Variants in HNRNPH1 observed in about 807,000 individuals in gnomAD.
HNRNPH1 encodes the protein heterogeneous nuclear ribonucleoprotein H1, also known as heterogeneous nuclear ribonucleoprotein H.
In HNRNPH1, 4 loss-of-function variants were observed where a neutral mutation model predicts 58.6. The ratio of observed to expected loss-of-function variants is 0.07; its 90% CI spans 0.03 to 0.16. The LOEUF (loss-of-function observed/expected upper bound fraction) is 0.16, where lower values mean the gene tolerates loss of function less well. HNRNPH1 is among the 10% of genes least tolerant of loss of function. The probability of loss-of-function intolerance (pLI) is 1.00; values close to 1 mark genes in which losing one functional copy is unlikely to be tolerated. For synonymous variants in HNRNPH1, 192 were observed against 189.2 expected (o/e 1.01, Z -0.12); for missense variants, 271 against 564.2 (o/e 0.48, Z 5.26).
intron 12 of HNRNPH1, 58 bp downstream of exon 13, chr5:179,615,488 T>C: frequency 1.1e-6 from 1 of 941,950 alleles, no homozygotes; most frequent in South Asian, 1.4e-5. Context: ...TAGAAAGCAT[T>C]ATTACAACAT....
intron 12 of HNRNPH1, 69 bp from the exon 14 acceptor site, chr5:179,615,028 C>CA: frequency 1.0e-6 from 1 of 985,908 alleles, no homozygotes; most frequent in East Asian, 2.6e-5. Context: ...TATAGTATTC[C>CA]AAGAAAAAGT....
At chr5:179,615,265 T>C (rs1768961370) in intron 12 of HNRNPH1, 1 of 441,834 alleles carries the variant, frequency 2.3e-6, no homozygotes, top group African/African-American at 2.0e-5. Flanking sequence ...CTTCGTATTT[T>C]TAAAGCTAAA....
intron 1 of HNRNPH1, among the ~76,000 whole-genome samples, chr5:179,622,639 A>T (rs1404750770): frequency 6.6e-6 from 1 of 152,234 alleles, no homozygotes; most frequent in African/African-American, 2.4e-5. Flanking sequence ...TGAACCCAGG[A>T]GGCGGAGGTT....
At chr5:179,616,464 G>GT in intron 10 of HNRNPH1, 1 of 544,266 alleles carries the variant, frequency 1.8e-6, no homozygotes, top group East Asian at 3.1e-5. Flanking sequence ...ACATGATTCC[G>GT]TAAGTAGAGG....
intron 10 of HNRNPH1, 197 bp from the exon 12 acceptor site, chr5:179,616,415 A>T: frequency 1.7e-6 from 1 of 595,440 alleles, no homozygotes; most frequent in South Asian, 2.0e-5. Flanking sequence ...TTGATAAACC[A>T]AAGTGCTAAC....
At chr5:179,632,754 T>A (rs868418063) in intron 2 of HNRNPH1, among the ~76,000 whole-genome samples, 1 of 4,518 alleles carries the variant, frequency 2.2e-4, no homozygotes, top group Non-Finnish European at 4.8e-4. Flanking sequence ...ATCAAATATC[T>A]TTTTTTTTTT....
intron 1 of HNRNPH1, chr5:179,621,935 G>GT: frequency 2.2e-6 from 1 of 456,296 alleles, no homozygotes; most frequent in Non-Finnish European, 4.4e-6. Context: ...GGCTTCCAGC[G>GT]TACTTGGTTC....
chr5:179,617,543 G>A lies in HNRNPH1; in HGVS notation c.1028C>T (p.Ala343Val). ...ATTTGCTTTGTCTTTTGACATAGCT[G>A]CCACAGCATCTTCATGAGTTGCGAA... Residue 343 changes from alanine to valine, a missense_variant, in exon 8 of 13, where the codon GCA becomes GTA. Ala to Val is a moderately conservative substitution (Grantham distance 64). Transcript: ENST00000356731. 6.2e-7 allele frequency: 1 copy of A among 1,613,952 alleles called. No homozygotes were observed. The highest frequency in any genetic ancestry group is 8.5e-7 in the Non-Finnish European group (1 of 1,180,004).
intron 12 of HNRNPH1, 81 bp from the exon 14 acceptor site, chr5:179,615,040 TAAA>T: frequency 1.1e-6 from 1 of 889,430 alleles, no homozygotes; most frequent in Non-Finnish European, 1.8e-6. Context: ...AGAAAAAGTT[TAAA>T]AAGTATACGA....
chr5:179,614,806 AGGTTG>A, exon 13 of HNRNPH1: 3 of 738,324 alleles, frequency 4.1e-6, no homozygotes, highest in South Asian at 3.6e-5. Flanking sequence ...AAAAAAAAAA[AGGTTG>A]ACCAAGAGTC....
chr5:179,617,326 C>T, intron 8 of HNRNPH1, 188 bp downstream of exon 9: 1 of 736,334 alleles, frequency 1.4e-6, no homozygotes, highest in Non-Finnish European at 2.2e-6. Context: ...TCAAGATGTG[C>T]ATATCACAAA....
At chr5:179,632,200 T>C (rs1484582781) in intron 2 of HNRNPH1, among the ~76,000 whole-genome samples, 12 of 151,360 alleles carry the variant, frequency 7.9e-5, no homozygotes, top group South Asian at 2.1e-4. Flanking sequence ...CCCAGCTACT[T>C]GGGAGGCTGA....
chr5:179,628,494 C>T (rs1774561051), upstream of HNRNPH1, among the ~76,000 whole-genome samples: 1 of 152,128 alleles, frequency 6.6e-6, no homozygotes, highest in South Asian at 2.1e-4. Flanking sequence ...GCTGGGTTTA[C>T]AGGTGCCTGC....
At chr5:179,632,851 A>ATTTTT (rs56128695) in intron 2 of HNRNPH1, among the ~76,000 whole-genome samples, 1 of 57,552 alleles carries the variant, frequency 1.7e-5, no homozygotes, top group African/African-American at 7.5e-5. Flanking sequence ...AGCCCGGCGA[A>ATTTTT]TTTTTTTTTT....
chr5:179,617,367 T>C, intron 8 of HNRNPH1, 147 bp downstream of exon 9: 1 of 981,506 alleles, frequency 1.0e-6, no homozygotes, highest in Non-Finnish European at 1.5e-6. Flanking sequence ...AACCCAAACC[T>C]TCAACACACT....
rs1260165303 is a variant in HNRNPH1, at chr5:179,623,025, G to A, written c.97+12C>T. 1.4e-6 allele frequency: 2 copies of A among 1,474,024 alleles called. No homozygotes were observed. The highest frequency in any genetic ancestry group is 9.2e-7 in the Non-Finnish European group (1 of 1,090,282). The allele number at this position is 1,474,024 out of a possible 1,614,324, so 91.3% of individuals were successfully genotyped here. A position where few individuals can be genotyped will look rare whatever the true frequency, so the allele number is the denominator to read the frequency against. On this transcript the variant is annotated intron_variant, in intron 1 of 12. Coordinates refer to ENST00000356731, the Ensembl canonical transcript of HNRNPH1. Reference sequence around the variant, plus strand: ...CTCGAACTCGAACTCCCGCGTCCTAGTTCTAACTCACCAGAAAAAAACCTC... The same window carrying A: ...CTCGAACTCGAACTCCCGCGTCCTAATTCTAACTCACCAGAAAAAAACCTC...
intron 2 of HNRNPH1, among the ~76,000 whole-genome samples, chr5:179,633,090 C>A (rs1052514992): frequency 1.3e-5 from 2 of 151,912 alleles, no homozygotes; most frequent in African/African-American, 4.8e-5. Flanking sequence ...ATCTCTTGAC[C>A]TCGTGATCCA....
chr5:179,620,730 G>A (rs543359018), intron 3 of HNRNPH1, 162 bp downstream of exon 4: 2 of 620,160 alleles, frequency 3.2e-6, no homozygotes, highest in South Asian at 4.2e-5. Flanking sequence ...CCACCTTTAA[G>A]ATGGGCTTAA....
chr5:179,617,461 TGTTA>T (rs1328945858), intron 8 of HNRNPH1, 49 bp downstream of exon 9: 1 of 1,573,562 alleles, frequency 6.4e-7, no homozygotes, highest in Non-Finnish European at 8.7e-7. Flanking sequence ...CTATTGTAAA[TGTTA>T]GTCACACAAT....
Sources: allele counts gnomAD v4.1 joint callset (sites outside exome capture counted in the v4.1 genomes callset), GRCh38; gene constraint gnomAD v4.1.1; transcripts MANE v1.5; gene names NCBI Gene and HGNC (gene_info 2026-07-23, HGNC 2026-07-21).